DIAPH3: variants seen among roughly 807,000 people sequenced by gnomAD.
DIAPH3 encodes diaphanous related formin 3, also known as protein diaphanous homolog 3.
Under a neutral mutation model 144.3 loss-of-function variants are expected in DIAPH3, and 117 were observed. The ratio of observed to expected loss-of-function variants is 0.81; its 90% CI spans 0.70 to 0.95. DIAPH3 has a LOEUF of 0.95. DIAPH3 is among the 40% of genes least tolerant of loss of function. The pLI is 0.00. For synonymous variants in DIAPH3, 519 were observed against 488.9 expected, an observed-to-expected ratio of 1.06 and a Z score of -0.81; for missense variants, 1,421 against 1,412.7, an observed-to-expected ratio of 1.01 and a Z score of -0.09.
At chr13:59,933,367 G>A (rs1247480769) in intron 17 of DIAPH3, among the ~76,000 whole-genome samples, 1 of 152,200 alleles carries the variant, frequency 6.6e-6, no homozygotes, top group African/African-American at 2.4e-5. Flanking sequence ...ATACCTTCAT[G>A]TAACCCTCCC....
intron 3 of DIAPH3, among the ~76,000 whole-genome samples, chr13:60,109,518 C>T (rs1196816552): frequency 6.6e-6 from 1 of 151,480 alleles, no homozygotes; most frequent in Non-Finnish European, 1.5e-5. Flanking sequence ...ACCACATCCC[C>T]AACAACTGCC....
At chr13:60,027,849 T>C (rs2054487182) in intron 5 of DIAPH3, among the ~76,000 whole-genome samples, 1 of 152,330 alleles carries the variant, frequency 6.6e-6, no homozygotes, top group South Asian at 2.1e-4. Context: ...AAATATAGAC[T>C]AATTTGCCAA....
At chr13:59,880,840 G>T (rs191772156) in intron 20 of DIAPH3, among the ~76,000 whole-genome samples, 6 of 151,686 alleles carry the variant, frequency 4.0e-5, no homozygotes, top group Admixed American at 2.0e-4. Flanking sequence ...AAATTAAATG[G>T]TTATTCATAT....
At chr13:60,102,666 G>A (rs1187079680) in intron 3 of DIAPH3, among the ~76,000 whole-genome samples, 4 of 152,128 alleles carry the variant, frequency 2.6e-5, no homozygotes, top group Non-Finnish European at 5.9e-5. Context: ...TCTTCAGGTC[G>A]TGGCACTGAC....
At chr13:59,992,224 GTTT>G in intron 10 of DIAPH3, 38 bp from the exon 11 acceptor site, 3 of 1,514,080 alleles carry the variant, frequency 2.0e-6, no homozygotes, top group Non-Finnish European at 2.7e-6. Context: ...GAATGATTTT[GTTT>G]TTAATTATGC....
chr13:59,940,574 CAT>C (rs967402952), intron 17 of DIAPH3, among the ~76,000 whole-genome samples: 3 of 152,130 alleles, frequency 2.0e-5, no homozygotes, highest in Non-Finnish European at 2.9e-5. Context: ...TATTTTACTT[CAT>C]GTTGGAAACA....
chr13:60,029,183 C>T (rs1406701019), intron 5 of DIAPH3, among the ~76,000 whole-genome samples: 8 of 151,806 alleles, frequency 5.3e-5, no homozygotes, highest in African/African-American at 1.9e-4. Context: ...CTGTTATTCT[C>T]GATTCCTCCT....
At chr13:59,917,549 T>C (rs2047281131) in intron 18 of DIAPH3, among the ~76,000 whole-genome samples, 1 of 152,074 alleles carries the variant, frequency 6.6e-6, no homozygotes, top group Non-Finnish European at 1.5e-5. Context: ...ATGTCTATAA[T>C]CCTTAATATC....
At chr13:59,984,024 T>A (rs999689846) in intron 12 of DIAPH3, 137 bp from the exon 13 acceptor site, 2 of 646,788 alleles carry the variant, frequency 3.1e-6, no homozygotes, top group African/African-American at 3.6e-5. Flanking sequence ...CACAACAGAT[T>A]TTACCTGGGA....
At chr13:59,889,448 A>G (rs565096185) in intron 20 of DIAPH3, among the ~76,000 whole-genome samples, 1 of 152,036 alleles carries the variant, frequency 6.6e-6, no homozygotes, top group Admixed American at 6.6e-5. Flanking sequence ...ATTTCTATAT[A>G]GCAATTTTTT....
intron 24 of DIAPH3, among the ~76,000 whole-genome samples, chr13:59,813,515 G>T (rs2040599307): frequency 6.6e-6 from 1 of 152,002 alleles, no homozygotes; most frequent in South Asian, 2.1e-4. Context: ...TTCATATTAT[G>T]GTCATGTATA....
chr13:59,677,627 T>C (rs1316460526), intron 27 of DIAPH3, among the ~76,000 whole-genome samples: 5 of 152,162 alleles, frequency 3.3e-5, no homozygotes, highest in Admixed American at 6.5e-5. Context: ...GAGCCACACC[T>C]GGCTATTGTC....
rs556415888 is a variant in DIAPH3 at position 59,902,836 on chromosome 13, A to G, written c.2367+8899T>C. Among the ~76,000 whole-genome samples the G allele has an allele frequency of 3.9e-5, 6 of 152,348 alleles. No individual in the cohort carries two copies. The South Asian group carries it at 6.2e-4, about 16-fold the overall frequency. On this transcript the variant is annotated intron_variant, in intron 20 of 27. Coordinates refer to ENST00000400324, the MANE Select transcript of DIAPH3 (RefSeq NM_001042517.2). ...AATGACTGAATGCTTATCTTAAAAG[A>G]TGCATACCTCTAAGATTTAAAATAG...
At chr13:59,953,072 G>A (rs1397193633) in intron 17 of DIAPH3, among the ~76,000 whole-genome samples, 2 of 152,114 alleles carry the variant, frequency 1.3e-5, no homozygotes, top group Non-Finnish European at 2.9e-5. Context: ...TGGGGATGGC[G>A]TGAGGACAAA....
chr13:59,887,319 A>G (rs1170471206), intron 20 of DIAPH3, among the ~76,000 whole-genome samples: 1 of 152,000 alleles, frequency 6.6e-6, no homozygotes, highest in African/African-American at 2.4e-5. Context: ...TATTTTGTTG[A>G]CAACTTTTGC....
intron 20 of DIAPH3, among the ~76,000 whole-genome samples, chr13:59,905,259 C>T (rs917401199): frequency 7.1e-5 from 10 of 140,412 alleles, no homozygotes; most frequent in African/African-American, 2.1e-4. Flanking sequence ...AGGAGAATGG[C>T]GTGAACCCGG....
At chr13:59,713,897 A>G (rs2034886999) in intron 27 of DIAPH3, among the ~76,000 whole-genome samples, 1 of 152,140 alleles carries the variant, frequency 6.6e-6, no homozygotes, top group African/African-American at 2.4e-5. Context: ...AGCCATGGAG[A>G]GCAAAAAGGA....
In DIAPH3 at chr13:59,693,589, C is replaced by A. The variant is rs139999588; in HGVS notation, c.3320-26743G>T. On this transcript the variant is annotated intron_variant, in intron 27 of 27. Transcript: ENST00000400324. The stretch of plus-strand genomic sequence containing the variant: ...TGCAATCTCACATGGAAACTCATTG[C>A]GGAACAAAAACAGCGTATTTCCCAA... 3.9e-5 allele frequency among the ~76,000 whole-genome samples: 6 copies of A among 151,966 alleles called. No individual in the cohort carries two copies. In the East Asian group the frequency reaches 5.8e-4, roughly 15 times the overall value.
At chr13:59,890,391 C>T (rs1228248522) in intron 20 of DIAPH3, among the ~76,000 whole-genome samples, 1 of 152,078 alleles carries the variant, frequency 6.6e-6, no homozygotes, top group Non-Finnish European at 1.5e-5. Flanking sequence ...TTTCTGTTCT[C>T]TCAAGAACTG....
Sources: allele counts gnomAD v4.1 joint callset (sites outside exome capture counted in the v4.1 genomes callset), GRCh38; gene constraint gnomAD v4.1.1; transcripts MANE v1.5; gene names NCBI Gene and HGNC (gene_info 2026-07-23, HGNC 2026-07-21).